Variants in PCCA observed in about 807,000 individuals in gnomAD.
PCCA encodes propionyl-CoA carboxylase subunit alpha, also known as propionyl-CoA carboxylase alpha chain, mitochondrial.
A neutral mutation model predicts 101.3 loss-of-function variants in PCCA; 74 were observed. The observed-to-expected ratio is 0.73, with a 90% CI of 0.61 to 0.89. PCCA has a LOEUF of 0.89. PCCA is among the 40% of genes least tolerant of loss of function. The probability of loss-of-function intolerance (pLI) is 0.00; values close to 1 mark genes in which losing one functional copy is unlikely to be tolerated. For missense variants in PCCA, 891 were observed against 907.0 expected (o/e 0.98, Z 0.23); for synonymous variants, 294 against 313.6 (o/e 0.94, Z 0.66).
chr13:100,506,829 C>T (rs1294923988), intron 21 of PCCA, among the ~76,000 whole-genome samples: 1 of 152,136 alleles, frequency 6.6e-6, no homozygotes, highest in Non-Finnish European at 1.5e-5. Context: ...ACTTCCTCAC[C>T]GCGGTGCTTA....
intron 19 of PCCA, among the ~76,000 whole-genome samples, chr13:100,413,257 A>G (rs1004182291): frequency 6.6e-6 from 1 of 152,226 alleles, no homozygotes; most frequent in East Asian, 1.9e-4. Context: ...CACAGTCACA[A>G]TGTGTGGGAA....
intron 18 of PCCA, among the ~76,000 whole-genome samples, chr13:100,348,776 CTTTCTTTCTTT>C (rs1566976471): frequency 0.011 from 989 of 87,016 alleles, 3 homozygotes; most frequent in South Asian, 0.018. Flanking sequence ...TTCTTTCTTT[CTTTCTTTCTTT>C]CTTCCTTCCT....
At chr13:100,495,579 T>G (rs1045685169) in intron 21 of PCCA, among the ~76,000 whole-genome samples, 1 of 152,258 alleles carries the variant, frequency 6.6e-6, no homozygotes, top group African/African-American at 2.4e-5. Context: ...CATTTATGAC[T>G]ACTCAATAAA....
At chr13:100,518,185 A>G (rs1488994319) in intron 22 of PCCA, among the ~76,000 whole-genome samples, 1 of 152,240 alleles carries the variant, frequency 6.6e-6, no homozygotes, top group Non-Finnish European at 1.5e-5. Context: ...TATCGTTTAA[A>G]TTCCAGTAAT....
chr13:100,227,205 G>C (rs2060196090), intron 7 of PCCA, among the ~76,000 whole-genome samples: 1 of 151,606 alleles, frequency 6.6e-6, no homozygotes, highest in Non-Finnish European at 1.5e-5. Flanking sequence ...TTGAATTCCT[G>C]ACCTCAGGTG....
chr13:100,120,740 T>A (rs911131634), intron 4 of PCCA, among the ~76,000 whole-genome samples: 1 of 152,162 alleles, frequency 6.6e-6, no homozygotes, highest in Non-Finnish European at 1.5e-5. Context: ...AATTTTTTTT[T>A]ATGTTTCATT....
At chr13:100,520,613 C>A (rs923138408) in intron 22 of PCCA, among the ~76,000 whole-genome samples, 3 of 117,250 alleles carry the variant, frequency 2.6e-5, no homozygotes, top group South Asian at 2.7e-4. Context: ...CCAGCCTGGG[C>A]GACAGAGCGA....
At chr13:100,159,054 GCATTTTTTCAGT>G (rs551407391) in intron 6 of PCCA, among the ~76,000 whole-genome samples, 107 of 130,570 alleles carry the variant, frequency 8.2e-4, no homozygotes, top group Middle Eastern at 8.6e-3. Context: ...TACAGTTTAT[GCATTTTTTCAGT>G]TATTAAAAAA....
At chr13:100,289,457 A>G (rs2064960043) in intron 12 of PCCA, among the ~76,000 whole-genome samples, 1 of 152,004 alleles carries the variant, frequency 6.6e-6, no homozygotes, top group Non-Finnish European at 1.5e-5. Flanking sequence ...GCCTGAAAAA[A>G]TTTTCTAAGA....
intron 6 of PCCA, among the ~76,000 whole-genome samples, chr13:100,209,031 AG>A (rs1424466329): frequency 9.2e-5 from 14 of 152,182 alleles, no homozygotes; most frequent in Admixed American, 9.2e-4. Context: ...TGGCTAGATT[AG>A]GTGGTGTAGG....
At chr13:100,121,171 T>C (rs1210287347) in intron 4 of PCCA, among the ~76,000 whole-genome samples, 3 of 116,002 alleles carry the variant, frequency 2.6e-5, no homozygotes, top group African/African-American at 3.7e-5. Flanking sequence ...TTTTTTTTTT[T>C]TTTTTTAAAG....
intron 7 of PCCA, among the ~76,000 whole-genome samples, chr13:100,218,378 T>G (rs72658536): frequency 0.16 from 24,118 of 146,802 alleles, 2,077 homozygotes; most frequent in African/African-American, 0.19. Flanking sequence ...CAGAGACGGG[T>G]TTTCACCATG....
intron 5 of PCCA, among the ~76,000 whole-genome samples, chr13:100,156,883 A>G (rs570845000): frequency 2.0e-5 from 3 of 152,342 alleles, no homozygotes; most frequent in East Asian, 1.9e-4. Context: ...TTCCTTTTAC[A>G]TAATTCTTTG....
intron 6 of PCCA, among the ~76,000 whole-genome samples, chr13:100,174,947 A>G (rs1259708860): frequency 6.6e-6 from 1 of 152,140 alleles, no homozygotes; most frequent in Non-Finnish European, 1.5e-5. Flanking sequence ...TTTTAATTAT[A>G]AAAATAATTT....
intron 9 of PCCA, among the ~76,000 whole-genome samples, chr13:100,262,290 G>A (rs2062572749): frequency 6.6e-6 from 1 of 152,032 alleles, no homozygotes; most frequent in South Asian, 2.1e-4. Context: ...CTACTCGGGA[G>A]GCTGAGGTGG....
intron 17 of PCCA, among the ~76,000 whole-genome samples, chr13:100,339,311 G>A (rs1340839431): frequency 1.3e-5 from 2 of 152,040 alleles, no homozygotes; most frequent in South Asian, 2.1e-4. Context: ...ATGGAGGGTC[G>A]ACTGTAAAAG....
chr13:100,340,775 C>T (rs2071187146), intron 18 of PCCA, among the ~76,000 whole-genome samples: 1 of 152,142 alleles, frequency 6.6e-6, no homozygotes, highest in Admixed American at 6.5e-5. Flanking sequence ...AGAAACAAAA[C>T]CTCAATGCCA....
chr13:100,240,400 G>A (rs1398452380), intron 8 of PCCA, among the ~76,000 whole-genome samples: 3 of 150,978 alleles, frequency 2.0e-5, no homozygotes, highest in Non-Finnish European at 2.9e-5. Context: ...TTTGCGGGGT[G>A]AAGGGGGATG....
intron 20 of PCCA, among the ~76,000 whole-genome samples, chr13:100,431,017 C>G (rs757182727): frequency 6.6e-6 from 1 of 152,184 alleles, no homozygotes; most frequent in Non-Finnish European, 1.5e-5. Flanking sequence ...GGCTAAATTG[C>G]TTTCCCATCT....
Sources: gnomAD v4.1 joint callset for allele counts (sites outside exome capture counted in the v4.1 genomes callset) on GRCh38, gnomAD v4.1.1 for gene constraint, MANE v1.5 for transcripts, NCBI Gene and HGNC (gene_info 2026-07-23, HGNC 2026-07-21) for gene names.